Variants in GPBP1 observed in about 807,000 individuals in gnomAD.
GPBP1 encodes vasculin.
GPBP1 carries 13 observed loss-of-function variants against 56.5 expected under a neutral mutation model. That is an observed-to-expected ratio of 0.23 (90% CI 0.15 to 0.37). The LOEUF (loss-of-function observed/expected upper bound fraction) is 0.37, where lower values mean the gene tolerates loss of function less well. GPBP1 is among the 10% of genes least tolerant of loss of function. The pLI is 1.00. For missense variants in GPBP1, 477 were observed against 572.3 expected (o/e 0.83, Z 1.70); for synonymous variants, 204 against 188.9 (o/e 1.08, Z -0.66).
chr5:57,199,927 T>G (rs1470221303), intron 2 of GPBP1, among the ~76,000 whole-genome samples: 1 of 152,014 alleles, frequency 6.6e-6, no homozygotes, highest in African/African-American at 2.4e-5. Flanking sequence ...GGTTTTTTTT[T>G]TTCTTTTGGA....
intron 6 of GPBP1, among the ~76,000 whole-genome samples, chr5:57,241,604 AT>A (rs1332333486): frequency 6.6e-6 from 1 of 152,120 alleles, no homozygotes; most frequent in Non-Finnish European, 1.5e-5. Context: ...GGCTACATTT[AT>A]TTGCGAGGAT....
In GPBP1 at chr5:57,247,098, A is replaced by G. The variant is rs772526445; in HGVS notation, c.687A>G (p.Thr229=). The change falls in exon 8 of 12, where the codon ACA becomes ACG. Residue 229 remains threonine (T), a synonymous_variant. Coordinates refer to ENST00000506184, the MANE Select transcript of GPBP1 (RefSeq NM_022913.4). ...AGCCTACACAATGGAAAAGCCAAAC[A>G]AAAGAAAATAAAGTTGGAACTTCTT... ...PTKPTQWKSQ[T]KENKVGTSFP... 9 of 1,613,284 alleles carry G rather than the reference A, an allele frequency of 5.6e-6. 1 individual carries two copies. The South Asian group carries it at 8.8e-5, about 16-fold the overall frequency.
chr5:57,261,859 G>A (rs776893096), intron 11 of GPBP1, among the ~76,000 whole-genome samples: 1 of 152,126 alleles, frequency 6.6e-6, no homozygotes, highest in Non-Finnish European at 1.5e-5. Flanking sequence ...GCATCAGGAA[G>A]TTGAGATGCT....
intron 2 of GPBP1, among the ~76,000 whole-genome samples, chr5:57,183,222 C>G (rs913466240): frequency 2.0e-5 from 3 of 152,016 alleles, no homozygotes; most frequent in African/African-American, 7.2e-5. Flanking sequence ...AAAAAATTAG[C>G]TGGGCGTGGT....
intron 2 of GPBP1, among the ~76,000 whole-genome samples, chr5:57,179,325 T>C (rs1753935744): frequency 6.6e-6 from 1 of 152,154 alleles, no homozygotes; most frequent in Admixed American, 6.6e-5. Flanking sequence ...ACTATTTGGG[T>C]GATACCTTTG....
intron 3 of GPBP1, among the ~76,000 whole-genome samples, chr5:57,218,799 C>T (rs1755805825): frequency 1.3e-5 from 2 of 152,118 alleles, no homozygotes; most frequent in South Asian, 4.1e-4. Context: ...TTTTGTTCTC[C>T]CATAAGGACT....
chr5:57,223,463 C>T (rs971405275), intron 3 of GPBP1, among the ~76,000 whole-genome samples: 1 of 152,064 alleles, frequency 6.6e-6, no homozygotes, highest in Non-Finnish European at 1.5e-5. Context: ...TCAGTGGTAC[C>T]TTATCATGGT....
intron 2 of GPBP1, among the ~76,000 whole-genome samples, chr5:57,208,048 C>G (rs1461346144): frequency 6.6e-6 from 1 of 152,064 alleles, no homozygotes; most frequent in Non-Finnish European, 1.5e-5. Flanking sequence ...ATCATTTGGT[C>G]AGGAAAACAG....
At chr5:57,245,961 A>G (rs1423814816) in intron 6 of GPBP1, 2 of 170,666 alleles carry the variant, frequency 1.2e-5, no homozygotes, top group East Asian at 1.5e-4. Context: ...TCTAAATCTT[A>G]AGAGTCATTA....
At chr5:57,188,202 C>G (rs1012460444) in intron 2 of GPBP1, among the ~76,000 whole-genome samples, 1 of 150,940 alleles carries the variant, frequency 6.6e-6, no homozygotes, top group Non-Finnish European at 1.5e-5. Context: ...TGAGATCGCA[C>G]CACTGCACTC....
chr5:57,184,238 A>G (rs1047697363), intron 2 of GPBP1, among the ~76,000 whole-genome samples: 24 of 148,632 alleles, frequency 1.6e-4, no homozygotes, highest in Non-Finnish European at 3.5e-4. Flanking sequence ...TCTCAAAGGG[A>G]AAAAAAATTA....
At position 57,219,886 on chromosome 5, in the gene GPBP1, C is replaced by G. The variant is rs1016153849; in HGVS notation, c.63+5693C>G. On this transcript the variant is annotated intron_variant, in intron 3 of 11. Transcript: ENST00000506184. ...GGACCAACGTGGAAAAACCCTGTCTCTACTAAAAGTACAAAACTAGCTGGG... is the reference window on the plus strand; with the variant it reads ...GGACCAACGTGGAAAAACCCTGTCTGTACTAAAAGTACAAAACTAGCTGGG... Among the ~76,000 whole-genome samples, 5 of 152,020 alleles carry G rather than the reference C, an allele frequency of 3.3e-5. No homozygotes were observed. The East Asian group carries it at 7.8e-4, about 24-fold the overall frequency.
intron 3 of GPBP1, chr5:57,221,419 T>G: frequency 6.9e-7 from 1 of 1,452,826 alleles, no homozygotes; most frequent in South Asian, 1.2e-5. Flanking sequence ...GAAAGAATAT[T>G]GAACAGATAT....
At chr5:57,230,013 C>G (rs973789971) in intron 3 of GPBP1, among the ~76,000 whole-genome samples, 1 of 145,916 alleles carries the variant, frequency 6.9e-6, no homozygotes, top group Non-Finnish European at 1.5e-5. Context: ...ACTGCAACCT[C>G]CCCGCCTCCC....
chr5:57,233,791 GTGT>G (rs1009159970), intron 5 of GPBP1, among the ~76,000 whole-genome samples: 1 of 152,154 alleles, frequency 6.6e-6, no homozygotes, highest in African/African-American at 2.4e-5. Flanking sequence ...GTTCAAACTT[GTGT>G]TGTTCAAGGT....
intron 5 of GPBP1, 59 bp from the exon 6 acceptor site, chr5:57,235,907 G>A: frequency 8.3e-7 from 1 of 1,197,662 alleles, no homozygotes; most frequent in Non-Finnish European, 1.2e-6. Context: ...ATGATTCTGA[G>A]ATTGGTTTTA....
intron 9 of GPBP1, 40 bp downstream of exon 9, chr5:57,249,616 T>G (rs763144309): frequency 4.6e-6 from 7 of 1,514,994 alleles, no homozygotes; most frequent in Admixed American, 1.9e-5. Context: ...GACATTGATA[T>G]GTCATTGAAA....
intron 3 of GPBP1, among the ~76,000 whole-genome samples, chr5:57,221,622 G>A (rs1024470026): frequency 1.3e-5 from 2 of 152,052 alleles, no homozygotes; most frequent in Non-Finnish European, 2.9e-5. Context: ...AAAATGTGGT[G>A]GAACTTTACT....
chr5:57,226,002 A>C (rs1242529902), intron 3 of GPBP1, among the ~76,000 whole-genome samples: 2 of 152,226 alleles, frequency 1.3e-5, no homozygotes, highest in Non-Finnish European at 2.9e-5. Flanking sequence ...AGTTACTTTG[A>C]GACAGTGTTC....
Sources: gnomAD v4.1 joint callset for allele counts (sites outside exome capture counted in the v4.1 genomes callset) on GRCh38, gnomAD v4.1.1 for gene constraint, MANE v1.5 for transcripts, NCBI Gene and HGNC (gene_info 2026-07-23, HGNC 2026-07-21) for gene names.